The following TBRG1 variants were observed in gnomAD, a reference collection of about 807,000 sequenced individuals.
The protein encoded by TBRG1 is transforming growth factor beta regulator 1, also known as nuclear interactor of ARF and MDM2.
A neutral mutation model predicts 44.0 loss-of-function variants in TBRG1; 31 were observed. That is an observed-to-expected ratio of 0.70 (90% CI 0.53 to 0.95). The LOEUF is 0.95. Ranked by LOEUF, TBRG1 falls within the 40% of genes least tolerant of loss-of-function variation. The pLI is 0.00. For missense variants in TBRG1, 487 were observed against 496.1 expected, an observed-to-expected ratio of 0.98 and a Z score of 0.18; for synonymous variants, 171 against 188.1, an observed-to-expected ratio of 0.91 and a Z score of 0.74.
At position 124,633,131 on chromosome 11, in the gene TBRG1, T is replaced by G. The variant is rs977846106; in HGVS notation, c.*893T>G. 1 of 136,674 alleles carries G rather than the reference T, an allele frequency of 7.3e-6. No homozygotes were observed. Among genetic ancestry groups the G allele is most frequent in the African/African-American group, 3.6e-5 (1 of 27,584 alleles). The allele number at this position is 136,674 out of a possible 1,614,324, so 8.5% of individuals were successfully genotyped here. ...CCTTCAAGGGGATCTTTAACCTCTT[T>G]AACCTTTGTATTGCACCTCAGATAA... On this transcript the variant is annotated 3_prime_UTR_variant, in exon 9 of 9. Coordinates refer to ENST00000441174, the MANE Select transcript of TBRG1 (RefSeq NM_032811.3).
At position 124,635,824 on chromosome 11, in the gene TBRG1, A is replaced by G. The variant is rs1194497572; in HGVS notation, c.*3586A>G. On this transcript the variant is annotated 3_prime_UTR_variant, in exon 9 of 9. Coordinates refer to ENST00000441174, the MANE Select transcript of TBRG1 (RefSeq NM_032811.3). The stretch of plus-strand genomic sequence containing the variant: ...GTGATTATGCTTTTATTTATTTCCA[A>G]CTTCTTATAGGTAACATAATTTTCA... 6.6e-6 allele frequency: 1 copy of G among 152,172 alleles called. No homozygotes were observed. Among genetic ancestry groups the G allele is most frequent in the Non-Finnish European group, 1.5e-5 (1 of 68,022 alleles). 9.4% of individuals were successfully genotyped at this position (152,172 alleles called of 1,614,324 possible).
intron 3 of TBRG1, 67 bp downstream of exon 3, chr11:124,625,970 T>TA (rs1273724656): frequency 7.5e-6 from 11 of 1,468,376 alleles, no homozygotes; most frequent in Non-Finnish European, 9.0e-6. Context: ...GACCTGGTAC[T>TA]AACTGACAGA....
chr11:124,631,516 A>G, intron 8 of TBRG1, 99 bp downstream of exon 8: 1 of 1,273,954 alleles, frequency 7.8e-7, no homozygotes, highest in Non-Finnish European at 1.1e-6. Flanking sequence ...CTATGCATTG[A>G]GTGATAAAAG....
Position 124,631,266 on chromosome 11 carries a change from A to C in TBRG1, c.948-9A>C. On this transcript the variant is annotated splice_polypyrimidine_tract_variant and intron_variant, in intron 7 of 8. Coordinates refer to ENST00000441174, the MANE Select transcript of TBRG1 (RefSeq NM_032811.3). The stretch of plus-strand genomic sequence containing the variant: ...TAACTCTCAAGGGTGATTTCCCTTG[A>C]TTCTGCAGTTACCAGTGGGTGAAAT... 1 of 1,566,096 alleles carries C rather than the reference A, an allele frequency of 6.4e-7. No individual in the cohort carries two copies. Among genetic ancestry groups the C allele is most frequent in the Non-Finnish European group, 8.6e-7 (1 of 1,157,608 alleles).
At position 124,623,232 on chromosome 11, in the gene TBRG1, TTG is replaced by T; in HGVS notation, c.150+2_150+3del. Reference sequence around the variant, plus strand: ...CGCAAAGCGGCCAAGGCCACGGTGTTTGTGAGTCTGACCCACGTTCAGCCGGT... The same window carrying T: ...CGCAAAGCGGCCAAGGCCACGGTGTTTGAGTCTGACCCACGTTCAGCCGGT... On this transcript the variant is annotated splice_donor_variant and coding_sequence_variant, in exon 1 of 9. Transcript: ENST00000441174. LOFTEE classifies it high-confidence loss of function. The T allele has an allele frequency of 6.4e-7, 1 of 1,551,490 alleles. No individual in the cohort carries two copies. Among genetic ancestry groups the T allele is most frequent in the Non-Finnish European group, 8.7e-7 (1 of 1,147,016 alleles).
At chr11:124,627,763 A>G (rs1480113827) in intron 5 of TBRG1, among the ~76,000 whole-genome samples, 1 of 152,080 alleles carries the variant, frequency 6.6e-6, no homozygotes, top group Non-Finnish European at 1.5e-5. Flanking sequence ...CATAGTTGAG[A>G]GCTTACGTGA....
intron 7 of TBRG1, 161 bp downstream of exon 7, chr11:124,631,016 G>A (rs1179651612): frequency 3.1e-6 from 2 of 649,082 alleles, no homozygotes; most frequent in Non-Finnish European, 5.3e-6. Flanking sequence ...GGACAGGTAA[G>A]CAAGAGCCAG....
chr11:124,628,465 G>A (rs1169256342), intron 5 of TBRG1, among the ~76,000 whole-genome samples: 6 of 148,058 alleles, frequency 4.1e-5, no homozygotes, highest in East Asian at 4.0e-4. Context: ...GGAAGAAAAC[G>A]TATGACAAAG....
rs749471972 is a variant in TBRG1, at chr11:124,632,213, G to C, written c.1211G>C (p.Gly404Ala). The part of the protein sequence containing the change: ...HLQHLKSPSQ[G>A]SPIQSSD The stretch of plus-strand genomic sequence containing the variant: ...CAGCACTTGAAGTCTCCATCACAGG[G>C]TAGCCCAATTCAGTCTTCAGATTGA... The change falls in exon 9 of 9, where the codon GGT (glycine) becomes GCT (alanine). Residue 404 changes from glycine (G) to alanine (A), a missense_variant. By Grantham distance (60) the Gly-to-Ala change is moderately conservative (BLOSUM62 0). Transcript: ENST00000441174. The C allele has an allele frequency of 6.2e-7, 1 of 1,613,838 alleles. No individual in the cohort carries two copies. The highest frequency in any genetic ancestry group is 8.5e-7 in the Non-Finnish European group (1 of 1,179,814).
chr11:124,622,871 AG>A lies in TBRG1; in HGVS notation c.-212del. The A allele has an allele frequency of 5.5e-6, 3 of 549,104 alleles. No homozygotes were observed. The highest frequency in any genetic ancestry group is 4.9e-5 in the South Asian group (2 of 40,758). The allele number at this position is 549,104 out of a possible 1,614,324, so 34.0% of individuals were successfully genotyped here. On this transcript the variant is annotated 5_prime_UTR_variant, in exon 1 of 9. Coordinates refer to ENST00000441174, the MANE Select transcript of TBRG1 (RefSeq NM_032811.3). ...AACTTCCGGGAAGGGCTTACTTCCA[AG>A]ACAGACACGGAAGTGCTGGGAGGCG...
At position 124,632,654 on chromosome 11, in the gene TBRG1, C is replaced by G. The variant is rs1942640258; in HGVS notation, c.*416C>G. The G allele has an allele frequency of 6.1e-6, 1 of 164,090 alleles. No homozygotes were observed. Among genetic ancestry groups the G allele is most frequent in the African/African-American group, 2.4e-5 (1 of 41,508 alleles). The allele number at this position is 164,090 out of a possible 1,614,324, so 10.2% of individuals were successfully genotyped here. On this transcript the variant is annotated 3_prime_UTR_variant, in exon 9 of 9. Coordinates refer to ENST00000441174, the MANE Select transcript of TBRG1 (RefSeq NM_032811.3). ...AGTTCAAGGAGCGCAGATTCAATGT[C>G]TGGTGAGGGCCCACTTCCTAGTTCT...
intron 1 of TBRG1, 70 bp downstream of exon 1, chr11:124,623,303 C>A (rs678132): frequency 0.09 from 134,650 of 1,503,876 alleles, 8,054 homozygotes; most frequent in East Asian, 0.29. Flanking sequence ...CCAAGCTGTT[C>A]CCCCTTCCCA....
chr11:124,630,503 T>C lies in TBRG1; in HGVS notation c.836+18T>C. ...ACTACTATGTAAGTTGACCAAAAGC[T>C]TGAAAACAGGCTAAAAGATCACTGT... On this transcript the variant is annotated intron_variant, in intron 6 of 8. Coordinates refer to ENST00000441174, the MANE Select transcript of TBRG1 (RefSeq NM_032811.3). 6.4e-7 allele frequency: 1 copy of C among 1,556,968 alleles called. No individual in the cohort carries two copies. Among genetic ancestry groups the C allele is most frequent in the Non-Finnish European group, 8.9e-7 (1 of 1,127,916 alleles).
intron 3 of TBRG1, 83 bp from the exon 4 acceptor site, chr11:124,626,390 C>T (rs1942469765): frequency 8.0e-7 from 1 of 1,256,916 alleles, no homozygotes; most frequent in South Asian, 1.5e-5. Context: ...GGCTTATTGC[C>T]CTCACCATTC....
chr11:124,631,178 G>A lies in TBRG1; in HGVS notation c.948-97G>A, dbSNP rs1017864389. 3.0e-5 allele frequency: 36 copies of A among 1,200,232 alleles called. No individual in the cohort carries two copies. In the East Asian group the frequency reaches 3.7e-4, roughly 12 times the overall value. 74.3% of individuals were successfully genotyped at this position (1,200,232 alleles called of 1,614,324 possible). A position where few individuals can be genotyped will look rare whatever the true frequency, so the allele number is the denominator to read the frequency against. Reference sequence around the variant, plus strand: ...ATATGTGTTTTAGATATATATGGGCGGAATATAAAGAAAAATTACCTGATC... The same window carrying A: ...ATATGTGTTTTAGATATATATGGGCAGAATATAAAGAAAAATTACCTGATC... On this transcript the variant is annotated intron_variant, in intron 7 of 8. Transcript: ENST00000441174.
At chr11:124,631,491 G>A (rs936675483) in intron 8 of TBRG1, 74 bp downstream of exon 8, 10 of 1,437,880 alleles carry the variant, frequency 7.0e-6, no homozygotes, top group African/African-American at 1.4e-5. Flanking sequence ...ACACATAGCC[G>A]AGTACCCTAA....
rs1191767043 is a variant in TBRG1, at chr11:124,623,228, G to A, written c.145G>A (p.Val49Met). Residue 49 changes from valine (V) to methionine (M), a missense_variant, in exon 1 of 9, where the codon GTG (valine) becomes ATG (methionine). Coordinates refer to ENST00000441174, the MANE Select transcript of TBRG1 (RefSeq NM_032811.3). Reference protein sequence around the residue: ...LRLRKAAKATVFENAAICDEI... With the variant: ...LRLRKAAKATMFENAAICDEI... ...GCTGCGCAAAGCGGCCAAGGCCACG[G>A]TGTTTGTGAGTCTGACCCACGTTCA... 3.2e-6 allele frequency: 5 copies of A among 1,551,488 alleles called. No homozygotes were observed. In the East Asian group the frequency reaches 9.8e-5, roughly 30 times the overall value.
At chr11:124,630,307 T>G in intron 5 of TBRG1, 81 bp from the exon 6 acceptor site, 1 of 925,494 alleles carries the variant, frequency 1.1e-6, no homozygotes, top group Non-Finnish European at 1.8e-6. Flanking sequence ...CGTTCCAGAG[T>G]AAAGAAATAT....
rs754214802 is a variant in TBRG1 at position 124,623,046 on chromosome 11, CCGGCAGCGT to C, written c.-36_-28del. ...CCGCTCCCCGACTTAGGATCCGATG[CCGGCAGCGT>C]CCTGGGGCCCCCGTAGCGGGGCTGG... On this transcript the variant is annotated 5_prime_UTR_variant, in exon 1 of 9. Coordinates refer to ENST00000441174, the MANE Select transcript of TBRG1 (RefSeq NM_032811.3). 23 of 1,498,024 alleles carry C rather than the reference CCGGCAGCGT, an allele frequency of 1.5e-5. No homozygotes were observed. The highest frequency in any genetic ancestry group is 2.0e-5 in the Non-Finnish European group (23 of 1,124,926). The allele number at this position is 1,498,024 out of a possible 1,614,324, so 92.8% of individuals were successfully genotyped here.
Sources: allele counts gnomAD v4.1 joint callset (sites outside exome capture counted in the v4.1 genomes callset), GRCh38; gene constraint gnomAD v4.1.1; transcripts MANE v1.5; gene names NCBI Gene and HGNC (gene_info 2026-07-23, HGNC 2026-07-21).